The following LRRIQ3 variants were observed in gnomAD, a reference collection of about 807,000 sequenced individuals.
LRRIQ3 encodes leucine rich repeats and IQ motif containing 3.
LRRIQ3 carries 75 observed loss-of-function variants against 59.3 expected under a neutral mutation model. The observed-to-expected ratio is 1.26, with a 90% CI of 1.05 to 1.53. The LOEUF (loss-of-function observed/expected upper bound fraction) is 1.53, where lower values mean the gene tolerates loss of function less well. Among genes scored for constraint, LRRIQ3 ranks in the 40% most tolerant of loss-of-function variants. The pLI, the probability that LRRIQ3 is intolerant of heterozygous loss-of-function variation, is 0.00. For missense variants in LRRIQ3, 831 were observed against 710.0 expected, an observed-to-expected ratio of 1.17 and a Z score of -1.94; for synonymous variants, 250 against 231.3, an observed-to-expected ratio of 1.08 and a Z score of -0.73.
intron 4 of LRRIQ3, among the ~76,000 whole-genome samples, chr1:74,142,946 T>C (rs1262158715): frequency 6.6e-6 from 1 of 152,006 alleles, no homozygotes; most frequent in Non-Finnish European, 1.5e-5. Flanking sequence ...TGTATGTGTA[T>C]CTATGTAGAA....
intron 4 of LRRIQ3, among the ~76,000 whole-genome samples, chr1:74,119,817 T>C (rs118017411): frequency 6.6e-6 from 1 of 152,192 alleles, no homozygotes; most frequent in East Asian, 1.9e-4. Context: ...AAATCATATA[T>C]CGATAAAGTG....
intron 3 of LRRIQ3, among the ~76,000 whole-genome samples, chr1:74,168,608 A>T (rs1483417137): frequency 1.3e-5 from 2 of 152,096 alleles, no homozygotes; most frequent in Non-Finnish European, 2.9e-5. Flanking sequence ...AGACAGGTTA[A>T]TGCTTAGGAC....
chr1:74,032,864 G>A (rs1440084167), intron 7 of LRRIQ3, among the ~76,000 whole-genome samples: 1 of 151,908 alleles, frequency 6.6e-6, no homozygotes, highest in Non-Finnish European at 1.5e-5. Context: ...AGAATTATAA[G>A]AGGAGAGTTT....
At chr1:74,190,619 T>A (rs970568727) in intron 1 of LRRIQ3, among the ~76,000 whole-genome samples, 9 of 151,818 alleles carry the variant, frequency 5.9e-5, no homozygotes, top group Admixed American at 2.0e-4. Flanking sequence ...GACAATTTAC[T>A]CTAACATCGG....
At chr1:74,132,506 C>A (rs1647041860) in intron 4 of LRRIQ3, among the ~76,000 whole-genome samples, 1 of 151,938 alleles carries the variant, frequency 6.6e-6, no homozygotes, top group South Asian at 2.1e-4. Flanking sequence ...GGTACTGGTA[C>A]CAAAACAGAG....
intron 3 of LRRIQ3, among the ~76,000 whole-genome samples, chr1:74,156,167 T>A (rs1648313887): frequency 6.6e-6 from 1 of 152,074 alleles, no homozygotes; most frequent in Admixed American, 6.6e-5. Flanking sequence ...CTCATATAGT[T>A]CACATGAGAT....
intron 1 of LRRIQ3, among the ~76,000 whole-genome samples, chr1:74,186,799 G>T (rs1277493193): frequency 6.6e-6 from 1 of 151,488 alleles, no homozygotes; most frequent in Non-Finnish European, 1.5e-5. Context: ...ATGTCTATTA[G>T]AAAAAAAATT....
intron 6 of LRRIQ3, among the ~76,000 whole-genome samples, chr1:74,047,641 C>T (rs1286757208): frequency 1.3e-5 from 2 of 152,000 alleles, no homozygotes; most frequent in Non-Finnish European, 2.9e-5. Context: ...TCACCCTCTA[C>T]CATCTGTGAG....
chr1:74,149,982 C>T lies in LRRIQ3; in HGVS notation c.707+5751G>A, dbSNP rs189307812. Among the ~76,000 whole-genome samples, 10 of 152,118 alleles carry T rather than the reference C, an allele frequency of 6.6e-5. No homozygotes were observed. The East Asian group carries it at 1.5e-3, about 23-fold the overall frequency. The stretch of plus-strand genomic sequence containing the variant: ...TGTACCCATACAACTAAATTCTGGC[C>T]AAGGAAATGTAGGAAAGGGGAATTC... On this transcript the variant is annotated intron_variant, in intron 4 of 7. Coordinates refer to ENST00000354431, the MANE Select transcript of LRRIQ3 (RefSeq NM_001105659.2).
At chr1:74,129,132 C>T (rs1172826886) in intron 4 of LRRIQ3, among the ~76,000 whole-genome samples, 5 of 152,046 alleles carry the variant, frequency 3.3e-5, no homozygotes, top group Non-Finnish European at 7.4e-5. Context: ...TTCACTCGAG[C>T]CTGCAGAGCT....
intron 1 of LRRIQ3, among the ~76,000 whole-genome samples, chr1:74,189,912 A>T (rs1650650977): frequency 6.6e-6 from 1 of 152,112 alleles, no homozygotes; most frequent in Non-Finnish European, 1.5e-5. Flanking sequence ...CTAATACAGT[A>T]AGCACTACAA....
chr1:74,172,154 G>C (rs954321129), intron 3 of LRRIQ3, among the ~76,000 whole-genome samples: 2 of 151,950 alleles, frequency 1.3e-5, no homozygotes, highest in African/African-American at 4.8e-5. Flanking sequence ...GGTTTAGTTT[G>C]TTAATTTTTC....
At chr1:74,190,646 T>G (rs918286447) in intron 1 of LRRIQ3, among the ~76,000 whole-genome samples, 1 of 151,348 alleles carries the variant, frequency 6.6e-6, no homozygotes, top group African/African-American at 2.4e-5. Flanking sequence ...AGCCACAGAT[T>G]CAAGAAACAG....
chr1:74,100,382 A>G (rs1296012101), intron 5 of LRRIQ3, among the ~76,000 whole-genome samples: 3 of 152,174 alleles, frequency 2.0e-5, no homozygotes, highest in East Asian at 1.9e-4. Flanking sequence ...GGAGAACTAC[A>G]AACCACTGCT....
intron 4 of LRRIQ3, among the ~76,000 whole-genome samples, chr1:74,119,422 G>A (rs1202442943): frequency 6.6e-6 from 1 of 151,744 alleles, no homozygotes; most frequent in African/African-American, 2.4e-5. Context: ...TTATATACAA[G>A]CTATTTATAT....
intron 6 of LRRIQ3, among the ~76,000 whole-genome samples, chr1:74,049,236 G>A (rs1654291493): frequency 6.6e-6 from 1 of 152,184 alleles, no homozygotes; most frequent in Admixed American, 6.6e-5. Context: ...AGGTAAGGCA[G>A]GGGCCAGATT....
intron 4 of LRRIQ3, among the ~76,000 whole-genome samples, chr1:74,127,406 T>A (rs1050466956): frequency 6.6e-6 from 1 of 151,990 alleles, no homozygotes; most frequent in Non-Finnish European, 1.5e-5. Flanking sequence ...TCTAGTTGAT[T>A]TGTGATCTTC....
At chr1:74,091,951 T>C (rs1646399291) in intron 5 of LRRIQ3, among the ~76,000 whole-genome samples, 1 of 152,106 alleles carries the variant, frequency 6.6e-6, no homozygotes, top group Non-Finnish European at 1.5e-5. Flanking sequence ...TGGGCACATT[T>C]CTGCTTAAAA....
chr1:74,074,200 A>G (rs567600328), intron 6 of LRRIQ3, among the ~76,000 whole-genome samples: 2 of 152,272 alleles, frequency 1.3e-5, no homozygotes, highest in South Asian at 2.1e-4. Flanking sequence ...CTTGATATCC[A>G]TAAAGTAACC....
Sources: allele counts gnomAD v4.1 joint callset (sites outside exome capture counted in the v4.1 genomes callset), GRCh38; gene constraint gnomAD v4.1.1; transcripts MANE v1.5; gene names NCBI Gene and HGNC (gene_info 2026-07-23, HGNC 2026-07-21).